Variants in AFAP1 observed in about 807,000 individuals in gnomAD.
AFAP1 encodes actin filament-associated protein 1.
Under a neutral mutation model 93.9 loss-of-function variants are expected in AFAP1, and 75 were observed. The ratio of observed to expected loss-of-function variants is 0.80; its 90% CI spans 0.66 to 0.97. The LOEUF (loss-of-function observed/expected upper bound fraction) is 0.97, where lower values mean the gene tolerates loss of function less well. Among genes scored for constraint, AFAP1 ranks in the 50% least tolerant of loss-of-function variants. The pLI is 0.00. For missense variants in AFAP1, 1,201 were observed against 1,050.8 expected, an observed-to-expected ratio of 1.14 and a Z score of -1.98; for synonymous variants, 517 against 430.7, an observed-to-expected ratio of 1.20 and a Z score of -2.48.
intron 16 of AFAP1, 26 bp downstream of exon 16, chr4:7,772,794 C>G: frequency 6.2e-7 from 1 of 1,607,144 alleles, no homozygotes; most frequent in East Asian, 2.2e-5. Context: ...GCGCCAGCCT[C>G]CGAGGTGAGC....
intron 6 of AFAP1, among the ~76,000 whole-genome samples, chr4:7,819,528 G>C (rs1398225294): frequency 6.6e-6 from 1 of 152,166 alleles, no homozygotes; most frequent in East Asian, 1.9e-4. Context: ...AAAGATAGTG[G>C]GTGGCTACTT....
At position 7,759,510 on chromosome 4, in the gene AFAP1, A is replaced by C. The variant is rs1275674118; in HGVS notation, c.*4255T>G. 1 of 152,572 alleles carries C rather than the reference A, an allele frequency of 6.6e-6. No individual in the cohort carries two copies. Among genetic ancestry groups the C allele is most frequent in the Non-Finnish European group, 1.5e-5 (1 of 68,040 alleles). The allele number at this position is 152,572 out of a possible 1,614,324, so 9.5% of individuals were successfully genotyped here. A position where few individuals can be genotyped will look rare whatever the true frequency, so the allele number is the denominator to read the frequency against. ...GGCAGGAACGTTTTGGTTTCATTTTAGTTTATTTCACAGTATGAACCCAGC... is the reference window on the plus strand; with the variant it reads ...GGCAGGAACGTTTTGGTTTCATTTTCGTTTATTTCACAGTATGAACCCAGC... On this transcript the variant is annotated 3_prime_UTR_variant, in exon 18 of 18. Transcript: ENST00000420658.
intron 7 of AFAP1, among the ~76,000 whole-genome samples, 156 bp downstream of exon 7, chr4:7,818,920 C>T (rs192520923): frequency 2.6e-5 from 4 of 152,290 alleles, no homozygotes; most frequent in South Asian, 2.1e-4. Context: ...TCAAGCTTAG[C>T]GCAAAGCAGG....
At chr4:7,903,491 C>A (rs1719229213) in intron 1 of AFAP1, among the ~76,000 whole-genome samples, 1 of 152,128 alleles carries the variant, frequency 6.6e-6, no homozygotes, top group East Asian at 1.9e-4. Context: ...ATCAGCCGAC[C>A]AACACGGGGA....
intron 16 of AFAP1, among the ~76,000 whole-genome samples, chr4:7,771,086 C>T (rs1217956364): frequency 1.3e-5 from 2 of 152,260 alleles, no homozygotes; most frequent in Non-Finnish European, 2.9e-5. Context: ...TCACTGTTCT[C>T]CACAGATCTG....
chr4:7,812,091 A>G (rs771639136), intron 8 of AFAP1, among the ~76,000 whole-genome samples: 38 of 152,092 alleles, frequency 2.5e-4, no homozygotes, highest in Non-Finnish European at 4.7e-4. Context: ...GTATCACTTC[A>G]ATGTTACTTC....
At chr4:7,926,658 C>T (rs565190943) in intron 1 of AFAP1, among the ~76,000 whole-genome samples, 1 of 152,312 alleles carries the variant, frequency 6.6e-6, no homozygotes, top group African/African-American at 2.4e-5. Flanking sequence ...CCTCCTTTTC[C>T]ACCCAAGTGG....
chr4:7,800,339 C>T (rs929188905), intron 10 of AFAP1, 103 bp downstream of exon 10: 3 of 1,229,262 alleles, frequency 2.4e-6, no homozygotes, highest in Non-Finnish European at 2.3e-6. Context: ...GTACTGTCAG[C>T]GAGATGGGAG....
chr4:7,817,510 G>C (rs910913812), intron 7 of AFAP1, among the ~76,000 whole-genome samples: 2 of 152,200 alleles, frequency 1.3e-5, no homozygotes, highest in African/African-American at 4.8e-5. Flanking sequence ...AGAATGACTT[G>C]AACTCAGGAG....
rs954143825 is a variant in AFAP1 at position 7,774,428 on chromosome 4, C to A, written c.2062+311G>T. The A allele has an allele frequency of 2.0e-5, 7 of 342,036 alleles. No individual in the cohort carries two copies. In the Admixed American group the frequency reaches 2.3e-4, roughly 11 times the overall value. The allele number at this position is 342,036 out of a possible 1,614,324, so 21.2% of individuals were successfully genotyped here. On this transcript the variant is annotated intron_variant, in intron 15 of 17. Coordinates refer to ENST00000420658, the MANE Select transcript of AFAP1 (RefSeq NM_001134647.2). Reference sequence around the variant, plus strand: ...TACTGCGTCCTGCGGATACAGGGGCCATCCTCCAGACAATCTCTGTTGTCA... The same window carrying A: ...TACTGCGTCCTGCGGATACAGGGGCAATCCTCCAGACAATCTCTGTTGTCA...
intron 1 of AFAP1, among the ~76,000 whole-genome samples, chr4:7,921,199 T>TTTTTTTG (rs1304851265): frequency 3.4e-5 from 5 of 148,196 alleles, no homozygotes; most frequent in African/African-American, 1.2e-4. Flanking sequence ...TTTTTTTTTT[T>TTTTTTTG]TTGAGATGGA....
chr4:7,772,945 C>T lies in AFAP1; in HGVS notation c.2128G>A (p.Glu710Lys). The T allele has an allele frequency of 6.2e-7, 1 of 1,613,782 alleles. No individual in the cohort carries two copies. Among genetic ancestry groups the T allele is most frequent in the South Asian group, 1.1e-5 (1 of 91,086 alleles). The part of the protein sequence containing the change: ...KQLEEECRQK[E>K]AERVSLELEL... ...AGCTCCAGGCTGACACGCTCCGCCTCCTTCTGCCGGCACTCCTCCTCCAGC... is the reference window on the plus strand; with the variant it reads ...AGCTCCAGGCTGACACGCTCCGCCTTCTTCTGCCGGCACTCCTCCTCCAGC... Residue 710 changes from glutamate to lysine, a missense_variant, in exon 16 of 18, where the codon GAG becomes AAG. Coordinates refer to ENST00000420658, the MANE Select transcript of AFAP1 (RefSeq NM_001134647.2).
rs377648100 is a variant in AFAP1, at chr4:7,759,678, T to C, written c.*4087A>G. On this transcript the variant is annotated 3_prime_UTR_variant, in exon 18 of 18. Coordinates refer to ENST00000420658, the MANE Select transcript of AFAP1 (RefSeq NM_001134647.2). Reference sequence around the variant, plus strand: ...AGGAAGGCAATAGTTTAGTTTAACATTGAAACATTGCCACGACCTTTATGT... The same window carrying C: ...AGGAAGGCAATAGTTTAGTTTAACACTGAAACATTGCCACGACCTTTATGT... The C allele has an allele frequency of 1.7e-4, 26 of 152,616 alleles. No homozygotes were observed. Among genetic ancestry groups the C allele is most frequent in the East Asian group, 7.7e-4 (4 of 5,206 alleles). The allele number at this position is 152,616 out of a possible 1,614,324, so 9.5% of individuals were successfully genotyped here.
intron 1 of AFAP1, among the ~76,000 whole-genome samples, chr4:7,936,672 C>T (rs1416801402): frequency 6.6e-6 from 1 of 151,490 alleles, no homozygotes; most frequent in Non-Finnish European, 1.5e-5. Context: ...ATCTCTGCCT[C>T]CCAGGTTCAA....
In AFAP1 at chr4:7,793,768, G is replaced by A. The variant is rs767988954; in HGVS notation, c.1325C>T (p.Ser442Leu). 3.1e-5 allele frequency: 49 copies of A among 1,572,338 alleles called. No individual in the cohort carries two copies. The highest frequency in any genetic ancestry group is 5.4e-5 in the African/African-American group (4 of 74,400). ...GTGCAGAGCCTCCGGGTCTGTGGACGATCCCGTCTCTGCGAGTAAAATCCC... is the reference window on the plus strand; with the variant it reads ...GTGCAGAGCCTCCGGGTCTGTGGACAATCCCGTCTCTGCGAGTAAAATCCC... ...WIGILLAETG[S>L]STDPEALHYD... Residue 442 changes from serine (S) to leucine (L), a missense_variant, in exon 11 of 18, where the codon TCG becomes TTG. By Grantham distance (145) the Ser-to-Leu change is moderately radical. Transcript: ENST00000420658.
intron 1 of AFAP1, among the ~76,000 whole-genome samples, chr4:7,912,116 A>G (rs1719765986): frequency 6.6e-6 from 1 of 152,226 alleles, no homozygotes; most frequent in Admixed American, 6.5e-5. Flanking sequence ...TTCTAGTTTG[A>G]AAGACCGATG....
At chr4:7,784,543 AG>A (rs994476813) in intron 12 of AFAP1, among the ~76,000 whole-genome samples, 2 of 152,178 alleles carry the variant, frequency 1.3e-5, no homozygotes, top group African/African-American at 4.8e-5. Flanking sequence ...TGAGGAGGGA[AG>A]GGGGCAGATC....
In AFAP1 at chr4:7,762,358, T is replaced by G. The variant is rs137866246; in HGVS notation, c.*1407A>C. On this transcript the variant is annotated 3_prime_UTR_variant, in exon 18 of 18. Coordinates refer to ENST00000420658, the MANE Select transcript of AFAP1 (RefSeq NM_001134647.2). ...TACACCAAGTATGGCACCTCTGTATTCTATGCTTGGGGAAGGGGCGGTTGC... is the reference window on the plus strand; with the variant it reads ...TACACCAAGTATGGCACCTCTGTATGCTATGCTTGGGGAAGGGGCGGTTGC... 1 of 152,354 alleles carries G rather than the reference T, an allele frequency of 6.6e-6. No individual in the cohort carries two copies. The highest frequency in any genetic ancestry group is 1.9e-4 in the East Asian group (1 of 5,166). The allele number at this position is 152,354 out of a possible 1,614,324, so 9.4% of individuals were successfully genotyped here.
chr4:7,887,529 T>C (rs192546353), intron 1 of AFAP1, among the ~76,000 whole-genome samples: 7 of 152,350 alleles, frequency 4.6e-5, no homozygotes, highest in Non-Finnish European at 4.4e-5. Flanking sequence ...CAATATAATG[T>C]TAAAAAGTAT....
Sources: gnomAD v4.1 joint callset for allele counts (sites outside exome capture counted in the v4.1 genomes callset) on GRCh38, gnomAD v4.1.1 for gene constraint, MANE v1.5 for transcripts, NCBI Gene and HGNC (gene_info 2026-07-23, HGNC 2026-07-21) for gene names.